Variants in ARHGEF11 observed in about 807,000 individuals in gnomAD.
ARHGEF11 encodes the protein Rho guanine nucleotide exchange factor 11, also known as Rho guanine exchange factor (GEF) 11.
Under a neutral mutation model 193.7 loss-of-function variants are expected in ARHGEF11, and 55 were observed. The ratio of observed to expected loss-of-function variants is 0.28; its 90% confidence interval spans 0.23 to 0.36. The LOEUF (loss-of-function observed/expected upper bound fraction) is 0.36, where lower values mean the gene tolerates loss of function less well. ARHGEF11 is among the 10% of genes least tolerant of loss of function. The pLI is 1.00. For missense variants in ARHGEF11, 1,723 were observed against 2,005.6 expected, an observed-to-expected ratio of 0.86 and a Z score of 2.69; for synonymous variants, 693 against 768.0, an observed-to-expected ratio of 0.90 and a Z score of 1.62.
chr1:156,987,188 A>G (rs191885224), intron 1 of ARHGEF11, among the ~76,000 whole-genome samples: 2 of 152,312 alleles, frequency 1.3e-5, no homozygotes, highest in East Asian at 3.9e-4. Context: ...TTCCTATCCT[A>G]CCTATAGCAA....
At position 156,948,692 on chromosome 1, in the gene ARHGEF11, C is replaced by A; in HGVS notation, c.1926-194G>T. The stretch of plus-strand genomic sequence containing the variant: ...GACTATTTTTGCTGCTCTACAAACT[C>A]CTCCTCTCTCCCCAGCCTAGCCTGA... On this transcript the variant is annotated intron_variant, in intron 22 of 40. Coordinates refer to ENST00000368194, the MANE Select transcript of ARHGEF11 (RefSeq NM_198236.3). The surrounding 1 kb of genome is among the most constrained non-coding windows in gnomAD (Gnocchi z 4.2). The A allele has an allele frequency of 6.5e-7, 1 of 1,527,488 alleles. No individual in the cohort carries two copies. Among genetic ancestry groups the A allele is most frequent in the South Asian group, 1.2e-5 (1 of 83,124 alleles). The allele number at this position is 1,527,488 out of a possible 1,614,324, so 94.6% of individuals were successfully genotyped here. A position where few individuals can be genotyped will look rare whatever the true frequency, so the allele number is the denominator to read the frequency against.
chr1:156,977,049 G>A lies in ARHGEF11; in HGVS notation c.516C>T (p.Pro172=), dbSNP rs143685637. Residue 172 remains proline (P), a synonymous_variant, in exon 7 of 41, where the codon CCC becomes CCT. Coordinates refer to ENST00000368194, the MANE Select transcript of ARHGEF11 (RefSeq NM_198236.3). ...RITGPKPLQD[P]EVQKHATQIL... is the part of the protein sequence containing the mutation. Reference sequence around the variant, plus strand: ...TCTGGGTGGCATGTTTTTGAACTTCGGGATCCTAGACATGGAAAATATGGC... The same window carrying A: ...TCTGGGTGGCATGTTTTTGAACTTCAGGATCCTAGACATGGAAAATATGGC... 28 of 1,613,670 alleles carry A rather than the reference G, an allele frequency of 1.7e-5. No homozygotes were observed. The highest frequency in any genetic ancestry group is 1.5e-4 in the South Asian group (14 of 91,064).
At chr1:157,030,284 G>A (rs956267266) in intron 1 of ARHGEF11, among the ~76,000 whole-genome samples, 3 of 152,158 alleles carry the variant, frequency 2.0e-5, no homozygotes, top group African/African-American at 7.2e-5. Context: ...AAAAGATGCT[G>A]CACTGCTAAG....
At chr1:156,938,357 C>G (rs1655972638) in intron 38 of ARHGEF11, 61 bp downstream of exon 38, 1 of 1,516,674 alleles carries the variant, frequency 6.6e-7, no homozygotes, top group South Asian at 1.2e-5. Context: ...TCCGACTCTG[C>G]CCTCACAGGT....
At chr1:157,019,443 G>A (rs1571529747) in intron 1 of ARHGEF11, among the ~76,000 whole-genome samples, 1 of 152,224 alleles carries the variant, frequency 6.6e-6, no homozygotes, top group Non-Finnish European at 1.5e-5. Context: ...CAGTGGGAAT[G>A]TGAAATTATA....
At chr1:157,008,248 C>T (rs1459724279) in intron 1 of ARHGEF11, among the ~76,000 whole-genome samples, 1 of 152,004 alleles carries the variant, frequency 6.6e-6, no homozygotes, top group East Asian at 1.9e-4. Context: ...GTTTGTGTCC[C>T]CCAAAATCCC....
chr1:157,029,898 A>G (rs1671092994), intron 1 of ARHGEF11, among the ~76,000 whole-genome samples: 1 of 152,136 alleles, frequency 6.6e-6, no homozygotes, highest in African/African-American at 2.4e-5. Context: ...GACACAACAA[A>G]CCACATATTG....
chr1:157,019,126 T>C (rs895739166), intron 1 of ARHGEF11, among the ~76,000 whole-genome samples: 1 of 152,192 alleles, frequency 6.6e-6, no homozygotes, highest in Non-Finnish European at 1.5e-5. Context: ...AGAAAAACCT[T>C]ATATATTGGA....
chr1:156,947,264 G>C (rs1658316386), intron 26 of ARHGEF11, 40 bp downstream of exon 26: 1 of 1,569,908 alleles, frequency 6.4e-7, no homozygotes, highest in Non-Finnish European at 8.6e-7. Flanking sequence ...GAAGCTGAAG[G>C]GCAGCAGAAG....
intron 1 of ARHGEF11, among the ~76,000 whole-genome samples, chr1:157,036,645 A>G (rs1470640442): frequency 1.3e-5 from 2 of 152,126 alleles, no homozygotes; most frequent in Non-Finnish European, 2.9e-5. Flanking sequence ...AAAAAGCTGT[A>G]TTGAAGAGCT....
At chr1:156,956,809 A>G (rs1660025217) in intron 18 of ARHGEF11, among the ~76,000 whole-genome samples, 1 of 152,208 alleles carries the variant, frequency 6.6e-6, no homozygotes, top group South Asian at 2.1e-4. Flanking sequence ...GAGAAGTCTT[A>G]TTCTTTCCCT....
intron 1 of ARHGEF11, among the ~76,000 whole-genome samples, chr1:157,014,080 C>A (rs1668899860): frequency 6.6e-6 from 1 of 152,212 alleles, no homozygotes; most frequent in Non-Finnish European, 1.5e-5. Context: ...GCCTTTGGTG[C>A]CTCCAATCAC....
intron 3 of ARHGEF11, among the ~76,000 whole-genome samples, chr1:156,981,038 CT>C (rs1005322824): frequency 6.6e-6 from 1 of 150,430 alleles, no homozygotes; most frequent in African/African-American, 2.4e-5. Context: ...TTCTCCCCTC[CT>C]TTTTTTTTAT....
chr1:156,987,888 A>G (rs1203853198), intron 1 of ARHGEF11, among the ~76,000 whole-genome samples: 1 of 152,114 alleles, frequency 6.6e-6, no homozygotes, highest in Non-Finnish European at 1.5e-5. Context: ...TTCGAAGAAA[A>G]ACCACAACAG....
intron 13 of ARHGEF11, 83 bp from the exon 14 acceptor site, chr1:156,961,858 G>A: frequency 8.0e-7 from 1 of 1,247,490 alleles, no homozygotes; most frequent in South Asian, 1.2e-5. Flanking sequence ...GGCCATGTCT[G>A]GAGACATTTT....
At position 156,963,261 on chromosome 1, in the gene ARHGEF11, G is replaced by A. The variant is rs947570846; in HGVS notation, c.1082C>T (p.Pro361Leu). 1.9e-6 allele frequency: 3 copies of A among 1,614,056 alleles called. No individual in the cohort carries two copies. Among genetic ancestry groups the A allele is most frequent in the African/African-American group, 2.7e-5 (2 of 74,924 alleles). The change falls in exon 13 of 41, where the codon CCA (proline) becomes CTA (leucine). Residue 361 changes from proline to leucine, a missense_variant. Physicochemically the swap from Pro to Leu is moderately conservative, Grantham distance 98 (BLOSUM62 -3). Around this residue, in one of 5 missense-constraint regions of ARHGEF11, gnomAD observed 646 missense variants for 710.7 expected, o/e 0.91. Coordinates refer to ENST00000368194, the MANE Select transcript of ARHGEF11 (RefSeq NM_198236.3). ...FQDLEKLKSR[P>L]AHLGVFLRYI... ...ACGTAGAAAAACCCCCAGGTGAGCTGGCCGAGACTTCAGTTTCTCCAGATC... is the reference window on the plus strand; with the variant it reads ...ACGTAGAAAAACCCCCAGGTGAGCTAGCCGAGACTTCAGTTTCTCCAGATC...
chr1:156,953,714 A>T (rs1659469640), intron 21 of ARHGEF11, among the ~76,000 whole-genome samples: 1 of 152,168 alleles, frequency 6.6e-6, no homozygotes, highest in Non-Finnish European at 1.5e-5. Context: ...TGTAGAACCT[A>T]GAAAGTGTTA....
At chr1:156,965,804 G>A (rs1661604430) in intron 11 of ARHGEF11, among the ~76,000 whole-genome samples, 1 of 152,154 alleles carries the variant, frequency 6.6e-6, no homozygotes, top group Admixed American at 6.5e-5. Context: ...AAAAAAGTAT[G>A]TTCACTTAGG....
Position 156,935,800 on chromosome 1 carries a change from G to GA in ARHGEF11, c.*199dup, listed in dbSNP as rs1488821581. On this transcript the variant is annotated 3_prime_UTR_variant, in exon 41 of 41. Transcript: ENST00000368194. ...CCTTGGAGGGTTGGGCTAAGGGAGG[G>GA]AAAAGACACTGAAACCTGACTCCGA... The GA allele has an allele frequency of 3.3e-6, 2 of 604,880 alleles. No individual in the cohort carries two copies. Among genetic ancestry groups the GA allele is most frequent in the South Asian group, 2.2e-5 (1 of 45,512 alleles). 37.5% of individuals were successfully genotyped at this position (604,880 alleles called of 1,614,324 possible).
Sources: gnomAD v4.1 joint callset for allele counts (sites outside exome capture counted in the v4.1 genomes callset) on GRCh38, gnomAD v4.1.1 for gene constraint, gnomAD v4.1.1 regional missense constraint, Gnocchi (gnomAD v3.1) non-coding constraint, MANE v1.5 for transcripts, NCBI Gene and HGNC (gene_info 2026-07-23, HGNC 2026-07-21) for gene names.